The following ELAPOR2 variants were observed in gnomAD, a reference collection of about 807,000 sequenced individuals.
The protein encoded by ELAPOR2 is endosome/lysosome-associated apoptosis and autophagy regulator family member 2.
ELAPOR2 carries 89 observed loss-of-function variants against 120.7 expected under a neutral mutation model. That is an observed-to-expected ratio of 0.74 (90% CI 0.62 to 0.88). The LOEUF (loss-of-function observed/expected upper bound fraction) is 0.88, where lower values mean the gene tolerates loss of function less well. Among genes scored for constraint, ELAPOR2 ranks in the 40% least tolerant of loss-of-function variants. The pLI, the probability that ELAPOR2 is intolerant of heterozygous loss-of-function variation, is 0.00. For synonymous variants in ELAPOR2, 444 were observed against 444.9 expected (o/e 1.00, Z 0.03); for missense variants, 1,134 against 1,251.6 (o/e 0.91, Z 1.42).
At chr7:86,956,824 T>C (rs905834292) in intron 2 of ELAPOR2, among the ~76,000 whole-genome samples, 4 of 152,170 alleles carry the variant, frequency 2.6e-5, no homozygotes, top group Non-Finnish European at 5.9e-5. Flanking sequence ...AGAAAAATGT[T>C]CAGAGTATGT....
intron 1 of ELAPOR2, among the ~76,000 whole-genome samples, chr7:86,983,872 A>G (rs750722764): frequency 3.9e-5 from 6 of 152,248 alleles, no homozygotes; most frequent in African/African-American, 9.6e-5. Flanking sequence ...AGATACCCCA[A>G]TTAAAAGACA....
chr7:86,904,163 T>A (rs975388474), intron 18 of ELAPOR2, among the ~76,000 whole-genome samples: 1 of 152,228 alleles, frequency 6.6e-6, no homozygotes, highest in African/African-American at 2.4e-5. Flanking sequence ...ATCTTGTGGA[T>A]GCTGTGGCAC....
chr7:86,998,109 T>C (rs992888967), intron 1 of ELAPOR2, among the ~76,000 whole-genome samples: 2 of 152,172 alleles, frequency 1.3e-5, no homozygotes, highest in East Asian at 1.9e-4. Flanking sequence ...CTTGTATACA[T>C]GGCATTGCAC....
intron 8 of ELAPOR2, among the ~76,000 whole-genome samples, chr7:86,933,808 G>A (rs1790442889): frequency 6.6e-6 from 1 of 151,956 alleles, no homozygotes; most frequent in South Asian, 2.1e-4. Context: ...TGCATTGCTT[G>A]ACATTCACTT....
intron 18 of ELAPOR2, among the ~76,000 whole-genome samples, chr7:86,904,770 G>A (rs1363818618): frequency 6.6e-6 from 1 of 152,120 alleles, no homozygotes; most frequent in East Asian, 1.9e-4. Flanking sequence ...TCCCAGGTCT[G>A]GGGATCTTAT....
chr7:86,955,004 A>G (rs571017367), intron 2 of ELAPOR2, among the ~76,000 whole-genome samples: 2 of 152,270 alleles, frequency 1.3e-5, no homozygotes, highest in African/African-American at 4.8e-5. Context: ...TCTCTCATGT[A>G]GCCAATTAAT....
At chr7:87,054,406 A>G (rs910220471) in intron 1 of ELAPOR2, among the ~76,000 whole-genome samples, 1 of 152,246 alleles carries the variant, frequency 6.6e-6, no homozygotes, top group Non-Finnish European at 1.5e-5. Context: ...TGCCTAAAAC[A>G]TGAGAAATGA....
intron 21 of ELAPOR2, among the ~76,000 whole-genome samples, chr7:86,887,932 C>T (rs1799769147): frequency 6.6e-6 from 1 of 152,060 alleles, no homozygotes; most frequent in Non-Finnish European, 1.5e-5. Flanking sequence ...GTTATTTACA[C>T]TTATCTGAAC....
chr7:86,991,186 A>C (rs1336310404), intron 1 of ELAPOR2, among the ~76,000 whole-genome samples: 1 of 152,228 alleles, frequency 6.6e-6, no homozygotes, highest in Admixed American at 6.5e-5. Context: ...GAACTACCAA[A>C]GTGCCTTCAC....
intron 1 of ELAPOR2, among the ~76,000 whole-genome samples, chr7:87,058,830 A>C (rs1795343127): frequency 6.6e-6 from 1 of 152,134 alleles, no homozygotes. Context: ...GCAAACCCAC[A>C]GGGCCTTAAT....
chr7:87,015,901 AG>A (rs1793852246), intron 1 of ELAPOR2, among the ~76,000 whole-genome samples: 1 of 152,204 alleles, frequency 6.6e-6, no homozygotes, highest in South Asian at 2.1e-4. Flanking sequence ...TTCTTAAAGT[AG>A]GTTGTCAGTT....
Position 86,942,114 on chromosome 7 carries a change from A to G in ELAPOR2, c.655-10T>C. 1 of 1,496,612 alleles carries G rather than the reference A, an allele frequency of 6.7e-7. No individual in the cohort carries two copies. Among genetic ancestry groups the G allele is most frequent in the Admixed American group, 2.0e-5 (1 of 50,848 alleles). The allele number at this position is 1,496,612 out of a possible 1,614,324, so 92.7% of individuals were successfully genotyped here. On this transcript the variant is annotated splice_polypyrimidine_tract_variant and intron_variant, in intron 4 of 21. Coordinates refer to ENST00000450689, the MANE Select transcript of ELAPOR2 (RefSeq NM_001142749.3). Reference sequence around the variant, plus strand: ...ACTGATCATTTTGAATCTGTGGATTAAACACAAGAGCCCTAGTAAAGTGTC... The same window carrying G: ...ACTGATCATTTTGAATCTGTGGATTGAACACAAGAGCCCTAGTAAAGTGTC...
At chr7:87,050,238 A>G (rs1227544850) in intron 1 of ELAPOR2, among the ~76,000 whole-genome samples, 2 of 152,136 alleles carry the variant, frequency 1.3e-5, no homozygotes, top group East Asian at 3.9e-4. Context: ...TATAGTTTGG[A>G]TATTTGTCAC....
intron 18 of ELAPOR2, among the ~76,000 whole-genome samples, chr7:86,900,429 A>G (rs1788665482): frequency 6.6e-6 from 1 of 152,202 alleles, no homozygotes; most frequent in African/African-American, 2.4e-5. Flanking sequence ...AATGGATAAA[A>G]TGAGTGAACA....
At chr7:86,951,442 T>C (rs1791241471) in intron 2 of ELAPOR2, among the ~76,000 whole-genome samples, 1 of 152,242 alleles carries the variant, frequency 6.6e-6, no homozygotes, top group Non-Finnish European at 1.5e-5. Flanking sequence ...CTAAATACAA[T>C]GATGCCATTT....
intron 1 of ELAPOR2, among the ~76,000 whole-genome samples, chr7:86,994,637 G>A (rs532554003): frequency 1.3e-5 from 2 of 152,106 alleles, no homozygotes; most frequent in South Asian, 2.1e-4. Flanking sequence ...CTTGGGCAGG[G>A]TGGTTAGTTT....
chr7:87,000,497 C>G (rs569275873), intron 1 of ELAPOR2, among the ~76,000 whole-genome samples: 2 of 152,284 alleles, frequency 1.3e-5, no homozygotes, highest in African/African-American at 4.8e-5. Flanking sequence ...TCTGACTCAA[C>G]CCTGCAATGT....
At chr7:87,058,037 TA>T (rs1398155048) in intron 1 of ELAPOR2, among the ~76,000 whole-genome samples, 2 of 152,220 alleles carry the variant, frequency 1.3e-5, no homozygotes, top group East Asian at 1.9e-4. Context: ...TAAAAAGCCC[TA>T]AAATTAAACA....
rs369087183 is a variant in ELAPOR2, at chr7:86,913,085, C to T, written c.1851G>A (p.Ser617=). 23 of 1,613,924 alleles carry T rather than the reference C, an allele frequency of 1.4e-5. No homozygotes were observed. Among genetic ancestry groups the T allele is most frequent in the Middle Eastern group, 3.3e-4 (2 of 6,082 alleles). Residue 617 remains serine, a synonymous_variant, in exon 14 of 22, where the codon TCG becomes TCA. Transcript: ENST00000450689. ...CALGSEQSGS[S]CVPCPPGHYI... The stretch of plus-strand genomic sequence containing the variant: ...AGTGGCCTGGAGGGCAGGGGACACA[C>T]GATGAACCCGACTGTTCAGAACCGA...
Sources: allele counts gnomAD v4.1 joint callset (sites outside exome capture counted in the v4.1 genomes callset), GRCh38; gene constraint gnomAD v4.1.1; transcripts MANE v1.5; gene names NCBI Gene and HGNC (gene_info 2026-07-23, HGNC 2026-07-21).